Variants in EYS observed in about 807,000 individuals in gnomAD.
EYS encodes EGF-like photoreceptor maintenance factor, also known as protein eyes shut homolog.
EYS carries 250 observed loss-of-function variants against 282.1 expected under a neutral mutation model. The observed-to-expected ratio is 0.89, with a 90% CI of 0.80 to 0.98. EYS has a LOEUF of 0.98. EYS is among the 50% of genes least tolerant of loss of function. EYS has a pLI of 0.00. For synonymous variants in EYS, 1,355 were observed against 1,282.9 expected (o/e 1.06, Z -1.20); for missense variants, 4,016 against 3,709.0 (o/e 1.08, Z -2.15).
At chr6:64,002,373 A>T (rs1364756159) in intron 33 of EYS, among the ~76,000 whole-genome samples, 1 of 152,238 alleles carries the variant, frequency 6.6e-6, no homozygotes, top group Non-Finnish European at 1.5e-5. Flanking sequence ...CTCAGGATAC[A>T]GAAGGCTGTC....
At chr6:64,274,829 C>T (rs926436699) in intron 30 of EYS, among the ~76,000 whole-genome samples, 2 of 152,008 alleles carry the variant, frequency 1.3e-5, no homozygotes, top group African/African-American at 2.4e-5. Context: ...AAGCACAGTG[C>T]CTGGCCATCG....
In EYS at chr6:64,280,123, A is replaced by G. The variant is rs191353604; in HGVS notation, c.6191+26847T>C. Among the ~76,000 whole-genome samples, 342 of 152,340 alleles carry G rather than the reference A, an allele frequency of 2.2e-3. 2 individuals carry two copies. The highest frequency in any genetic ancestry group is 4.1e-3 in the Non-Finnish European group (277 of 68,028). On this transcript the variant is annotated intron_variant, in intron 30 of 42. Coordinates refer to ENST00000503581, the MANE Select transcript of EYS (RefSeq NM_001142800.2). ...GTATAAATTACAGTTATTCTAAATG[A>G]CATAACTGTTGGTAGAAATGTAAGC...
chr6:65,580,897 A>G (rs60134024), intron 2 of EYS, among the ~76,000 whole-genome samples: 5,274 of 152,154 alleles, frequency 0.035, 226 homozygotes, highest in African/African-American at 0.11. Flanking sequence ...TGAAATATAG[A>G]TAATATATTA....
At chr6:64,412,337 T>C (rs1282869100) in intron 28 of EYS, among the ~76,000 whole-genome samples, 4 of 152,122 alleles carry the variant, frequency 2.6e-5, no homozygotes, top group South Asian at 2.1e-4. Context: ...GAATAGCCTA[T>C]TTAAAACAAT....
chr6:64,850,644 G>A (rs1349821614), intron 19 of EYS, among the ~76,000 whole-genome samples: 1 of 147,444 alleles, frequency 6.8e-6, no homozygotes, highest in Non-Finnish European at 1.5e-5. Flanking sequence ...GTTACAGGTA[G>A]CTGAGAGGGA....
intron 28 of EYS, among the ~76,000 whole-genome samples, chr6:64,430,526 AG>A (rs796493801): frequency 5.3e-5 from 8 of 152,342 alleles, no homozygotes; most frequent in African/African-American, 1.7e-4. Context: ...CAAGATTAAA[AG>A]AAATATGAGC....
At chr6:64,476,702 A>C (rs931651582) in intron 26 of EYS, among the ~76,000 whole-genome samples, 1 of 152,154 alleles carries the variant, frequency 6.6e-6, no homozygotes, top group Non-Finnish European at 1.5e-5. Context: ...TCAATTTAAA[A>C]TAATTTATTT....
chr6:65,484,665 G>A (rs1307207636), intron 5 of EYS, among the ~76,000 whole-genome samples: 1 of 152,108 alleles, frequency 6.6e-6, no homozygotes, highest in African/African-American at 2.4e-5. Context: ...AGTGAGCTTG[G>A]TCAGTAGGAA....
chr6:65,636,264 A>G (rs1425862446), intron 2 of EYS, among the ~76,000 whole-genome samples: 2 of 152,118 alleles, frequency 1.3e-5, no homozygotes, highest in African/African-American at 4.8e-5. Context: ...AACCTACAAA[A>G]TGTTTTGCAG....
chr6:65,165,656 A>G (rs1221230172), intron 12 of EYS, among the ~76,000 whole-genome samples: 1 of 151,158 alleles, frequency 6.6e-6, no homozygotes, highest in African/African-American at 2.4e-5. Context: ...ATTATACTTA[A>G]TGGTGAAAGA....
At chr6:64,126,893 G>C (rs1313498596) in intron 31 of EYS, among the ~76,000 whole-genome samples, 1 of 151,420 alleles carries the variant, frequency 6.6e-6, no homozygotes, top group Non-Finnish European at 1.5e-5. Flanking sequence ...AAATATATAG[G>C]GTGTCTGATC....
chr6:64,589,550 G>A (rs544161687), intron 26 of EYS, among the ~76,000 whole-genome samples: 4 of 151,992 alleles, frequency 2.6e-5, no homozygotes, highest in African/African-American at 9.6e-5. Flanking sequence ...CAATTACAAG[G>A]GGAGAATAGT....
At chr6:63,737,010 A>G (rs377248305) in intron 41 of EYS, among the ~76,000 whole-genome samples, 1 of 151,844 alleles carries the variant, frequency 6.6e-6, no homozygotes, top group African/African-American at 2.4e-5. Flanking sequence ...GGTTTTCTAG[A>G]TATACAATCA....
At chr6:64,248,084 G>C (rs371613918) in intron 30 of EYS, among the ~76,000 whole-genome samples, 30 of 152,256 alleles carry the variant, frequency 2.0e-4, no homozygotes, top group African/African-American at 7.2e-4. Context: ...ATGTTAGGAA[G>C]GGTACTCAGA....
intron 7 of EYS, among the ~76,000 whole-genome samples, chr6:65,384,717 C>G (rs1765735619): frequency 6.6e-6 from 1 of 151,764 alleles, no homozygotes; most frequent in Admixed American, 6.6e-5. Context: ...TCTTAATGAT[C>G]TCTTTTGGGA....
intron 33 of EYS, among the ~76,000 whole-genome samples, chr6:64,017,222 C>T (rs962029895): frequency 6.6e-6 from 1 of 151,892 alleles, no homozygotes; most frequent in Admixed American, 6.6e-5. Context: ...ACTACCACAC[C>T]CTGTAGTGTT....
intron 8 of EYS, among the ~76,000 whole-genome samples, chr6:65,368,191 T>A (rs551258924): frequency 6.6e-6 from 1 of 151,730 alleles, no homozygotes; most frequent in Non-Finnish European, 1.5e-5. Flanking sequence ...ACCGCCCCCA[T>A]GATTCAATTA....
chr6:64,198,483 C>G (rs1036467390), intron 31 of EYS, among the ~76,000 whole-genome samples: 2 of 152,196 alleles, frequency 1.3e-5, no homozygotes, highest in South Asian at 2.1e-4. Context: ...CCTGGCCCCC[C>G]ACTCCCCAAC....
chr6:65,661,006 T>G (rs990691598), intron 1 of EYS, among the ~76,000 whole-genome samples: 6 of 151,904 alleles, frequency 3.9e-5, no homozygotes, highest in Non-Finnish European at 8.9e-5. Flanking sequence ...AAGCTGTAAG[T>G]ACAGTCTACA....
Sources: allele counts gnomAD v4.1 joint callset (sites outside exome capture counted in the v4.1 genomes callset), GRCh38; gene constraint gnomAD v4.1.1; transcripts MANE v1.5; gene names NCBI Gene and HGNC (gene_info 2026-07-23, HGNC 2026-07-21).